FRY: variants seen among roughly 807,000 people sequenced by gnomAD.
The protein encoded by FRY is FRY microtubule binding protein, also known as protein furry homolog.
FRY carries 128 observed loss-of-function variants against 348.4 expected under a neutral mutation model. The ratio of observed to expected loss-of-function variants is 0.37; its 90% CI spans 0.32 to 0.43. The LOEUF is 0.43. Among genes scored for constraint, FRY ranks in the 20% least tolerant of loss-of-function variants. The pLI is 1.00. For synonymous variants in FRY, 1,370 were observed against 1,374.7 expected (o/e 1.00, Z 0.08); for missense variants, 2,736 against 3,695.2 (o/e 0.74, Z 6.73).
chr13:32,089,824 G>A (rs374894061), intron 2 of FRY, among the ~76,000 whole-genome samples: 17 of 152,226 alleles, frequency 1.1e-4, no homozygotes, highest in African/African-American at 3.1e-4. Context: ...GGGAGGTGGA[G>A]GGCAATTCAA....
At chr13:32,226,091 C>T (rs1422757734) in intron 39 of FRY, 117 bp downstream of exon 39, 4 of 803,112 alleles carry the variant, frequency 5.0e-6, no homozygotes, top group East Asian at 2.6e-5. Flanking sequence ...CAACTTTCCA[C>T]GTGGTAAATC....
chr13:32,135,790 G>A (rs1323232012), intron 10 of FRY, among the ~76,000 whole-genome samples: 1 of 152,168 alleles, frequency 6.6e-6, no homozygotes, highest in Non-Finnish European at 1.5e-5. Flanking sequence ...AAAGTCAGGA[G>A]GAAGCAAGTT....
At chr13:32,212,194 A>G in intron 34 of FRY, 98 bp from the exon 35 acceptor site, 2 of 738,390 alleles carry the variant, frequency 2.7e-6, no homozygotes, top group Non-Finnish European at 4.8e-6. Flanking sequence ...AAACATAAGA[A>G]TTTACAGGAA....
In FRY at chr13:32,212,363, T is replaced by G; in HGVS notation, c.4663T>G (p.Leu1555Val). 6.2e-7 allele frequency: 1 copy of G among 1,603,474 alleles called. No homozygotes were observed. The highest frequency in any genetic ancestry group is 8.5e-7 in the Non-Finnish European group (1 of 1,171,756). Residue 1555 changes from leucine (L) to valine (V), a missense_variant, in exon 35 of 61, where the codon TTG becomes GTG. Physicochemically the swap from Leu to Val is conservative, Grantham distance 32. Around this residue, in one of 9 missense-constraint regions of FRY, gnomAD observed 794 missense variants for 977.0 expected, o/e 0.81. Coordinates refer to ENST00000542859, the MANE Select transcript of FRY (RefSeq NM_023037.3). The part of the protein sequence containing the change: ...NFPDAEENKI[L>V]KESDERFSNV... ...CCCAGATGCTGAGGAGAACAAGATA[T>G]TGAAAGAATCTGATGAAAGGTTGGT...
chr13:32,070,164 C>T (rs1201093438), intron 1 of FRY, among the ~76,000 whole-genome samples: 13 of 152,158 alleles, frequency 8.5e-5, no homozygotes. Flanking sequence ...AATAGTGCTG[C>T]AGTAAACATA....
At chr13:32,197,323 A>G (rs2040835864) in intron 29 of FRY, among the ~76,000 whole-genome samples, 2 of 152,186 alleles carry the variant, frequency 1.3e-5, no homozygotes, top group African/African-American at 2.4e-5. Flanking sequence ...GTGAATGCCT[A>G]TTTCTTCAGG....
intron 8 of FRY, among the ~76,000 whole-genome samples, chr13:32,132,229 A>G (rs781568776): frequency 3.3e-5 from 5 of 151,098 alleles, no homozygotes; most frequent in Non-Finnish European, 7.4e-5. Context: ...TATTCTTACT[A>G]TAAAAAGGAA....
chr13:32,237,691 G>A lies in FRY; in HGVS notation c.6123G>A (p.Leu2041=), dbSNP rs1025418753. The A allele has an allele frequency of 1.2e-6, 2 of 1,614,080 alleles. No individual in the cohort carries two copies. The highest frequency in any genetic ancestry group is 1.1e-5 in the South Asian group (1 of 91,080). Residue 2041 remains leucine, a synonymous_variant, in exon 44 of 61, where the codon CTG becomes CTA. Transcript: ENST00000542859. This position sits in a 1 kb window ranked among gnomAD's most constrained non-coding sequence, Gnocchi z 6.3. ...PSHINHPTNL[L]ATIFWVTVAL... ...ACATAAACCATCCCACCAACCTGCT[G>A]GCCACCATATTCTGGGTCACAGTGG...
intron 3 of FRY, among the ~76,000 whole-genome samples, chr13:32,105,893 C>T (rs983574794): frequency 6.6e-6 from 1 of 151,896 alleles, no homozygotes; most frequent in African/African-American, 2.4e-5. Context: ...TTTTACTCCT[C>T]TACCTAACCA....
intron 31 of FRY, among the ~76,000 whole-genome samples, chr13:32,207,203 A>G (rs1884403096): frequency 6.6e-6 from 1 of 152,200 alleles, no homozygotes; most frequent in Non-Finnish European, 1.5e-5. Context: ...TTGTCAAAAG[A>G]TAGGTCTTTT....
At chr13:32,117,222 T>C in intron 3 of FRY, 112 bp from the exon 4 acceptor site, 1 of 940,388 alleles carries the variant, frequency 1.1e-6, no homozygotes, top group Non-Finnish European at 1.7e-6. Context: ...AGGACTGTGA[T>C]ACGGAAGAAA....
intron 13 of FRY, among the ~76,000 whole-genome samples, chr13:32,149,167 T>C (rs1295595680): frequency 6.7e-6 from 1 of 148,980 alleles, no homozygotes; most frequent in Admixed American, 6.7e-5. Flanking sequence ...ATATTAATTA[T>C]ACATATTAAC....
chr13:32,242,786 C>A (rs1267905376), intron 46 of FRY, among the ~76,000 whole-genome samples: 1 of 152,210 alleles, frequency 6.6e-6, no homozygotes, highest in Non-Finnish European at 1.5e-5. Flanking sequence ...CCACCCACCT[C>A]AGCCTCCCAA....
intron 24 of FRY, among the ~76,000 whole-genome samples, chr13:32,183,776 CAAAAAAAAAA>C (rs10706504): frequency 1.3e-5 from 1 of 78,118 alleles, no homozygotes; most frequent in African/African-American, 5.3e-5. Flanking sequence ...ACTCTGTCTC[CAAAAAAAAAA>C]AAAAAAAAAA....
rs1163913879 is a variant in FRY at position 32,187,532 on chromosome 13, GT to G, written c.3481-9del. The G allele has an allele frequency of 4.6e-6, 7 of 1,511,160 alleles. No homozygotes were observed. The highest frequency in any genetic ancestry group is 4.1e-5 in the African/African-American group (3 of 72,832). 93.6% of individuals were successfully genotyped at this position (1,511,160 alleles called of 1,614,324 possible). A position where few individuals can be genotyped will look rare whatever the true frequency, so the allele number is the denominator to read the frequency against. On this transcript the variant is annotated splice_polypyrimidine_tract_variant and intron_variant, in intron 27 of 60. Transcript: ENST00000542859. Reference sequence around the variant, plus strand: ...AAGTTTCATTTCCATGTCTTGTTGTGTTTTTATCATCAGGCAATGTCAGCAG... The same window carrying G: ...AAGTTTCATTTCCATGTCTTGTTGTGTTTTATCATCAGGCAATGTCAGCAG...
rs200435095 is a variant in FRY, at chr13:32,124,634, A to G, written c.588A>G (p.Ile196Met). 2.8e-5 allele frequency: 44 copies of G among 1,598,566 alleles called. No homozygotes were observed. The highest frequency in any genetic ancestry group is 3.0e-5 in the Non-Finnish European group (35 of 1,166,108). Residue 196 changes from isoleucine (I) to methionine (M), a missense_variant, in exon 6 of 61, where the codon ATA (isoleucine) becomes ATG (methionine). Ile to Met is a conservative substitution (Grantham distance 10, BLOSUM62 1). Coordinates refer to ENST00000542859, the MANE Select transcript of FRY (RefSeq NM_023037.3). ...IPLHPVIDSLIHDVINLAFKH... is the reference protein window; with the variant it reads ...IPLHPVIDSLMHDVINLAFKH... ...TTCATCCTGTAATAGACAGTTTAATACATGATGTTATTAACTTGGCTTTCA... is the reference window on the plus strand; with the variant it reads ...TTCATCCTGTAATAGACAGTTTAATGCATGATGTTATTAACTTGGCTTTCA...
intron 11 of FRY, among the ~76,000 whole-genome samples, chr13:32,146,943 G>C (rs1880495478): frequency 6.6e-6 from 1 of 152,184 alleles, no homozygotes; most frequent in African/African-American, 2.4e-5. Flanking sequence ...ACAATAAAAA[G>C]AACAGACTGA....
intron 24 of FRY, among the ~76,000 whole-genome samples, chr13:32,183,374 A>T (rs757984140): frequency 2.0e-5 from 3 of 152,190 alleles, no homozygotes; most frequent in Non-Finnish European, 2.9e-5. Context: ...AATGGCCAAG[A>T]ATGTAATTTG....
chr13:32,239,427 C>T lies in FRY; in HGVS notation c.6516+78C>T, dbSNP rs779607283. ...CCTAGTGTCAGGCAAATTACAAGGC[C>T]CAGAGATGGCAGTGATTTTCTCAAA... On this transcript the variant is annotated intron_variant, in intron 45 of 60. Coordinates refer to ENST00000542859, the MANE Select transcript of FRY (RefSeq NM_023037.3). This position sits in a 1 kb window ranked among gnomAD's most constrained non-coding sequence, Gnocchi z 4.3. 1.2e-6 allele frequency: 1 copy of T among 860,164 alleles called. No individual in the cohort carries two copies. Among genetic ancestry groups the T allele is most frequent in the Non-Finnish European group, 2.0e-6 (1 of 492,050 alleles). The allele number at this position is 860,164 out of a possible 1,614,324, so 53.3% of individuals were successfully genotyped here.
Sources: allele counts gnomAD v4.1 joint callset (sites outside exome capture counted in the v4.1 genomes callset), GRCh38; gene constraint gnomAD v4.1.1; regional missense constraint gnomAD v4.1.1; non-coding constraint Gnocchi (gnomAD v3.1); transcripts MANE v1.5; gene names NCBI Gene and HGNC (gene_info 2026-07-23, HGNC 2026-07-21).